The following OLA1 variants were observed in gnomAD, a reference collection of about 807,000 sequenced individuals.
OLA1 encodes the protein obg-like ATPase 1.
Under a neutral mutation model 48.4 loss-of-function variants are expected in OLA1, and 14 were observed. The observed-to-expected ratio is 0.29, with a 90% CI of 0.19 to 0.45. The LOEUF (loss-of-function observed/expected upper bound fraction) is 0.45, where lower values mean the gene tolerates loss of function less well. OLA1 is among the 20% of genes least tolerant of loss of function. The pLI, the probability that OLA1 is intolerant of heterozygous loss-of-function variation, is 1.00. For synonymous variants in OLA1, 127 were observed against 150.4 expected, an observed-to-expected ratio of 0.84 and a Z score of 1.14; for missense variants, 325 against 467.1, an observed-to-expected ratio of 0.70 and a Z score of 2.80.
intron 4 of OLA1, among the ~76,000 whole-genome samples, chr2:174,217,135 T>C (rs1688379787): frequency 6.6e-6 from 1 of 152,196 alleles, no homozygotes; most frequent in South Asian, 2.1e-4. Flanking sequence ...CCAAGACTGA[T>C]GTATCAGAGA....
chr2:174,174,469 A>G (rs1429233435), intron 4 of OLA1, among the ~76,000 whole-genome samples: 1 of 152,042 alleles, frequency 6.6e-6, no homozygotes, highest in African/African-American at 2.4e-5. Context: ...ACAAAATTCA[A>G]CACCTATTCA....
At chr2:174,182,821 T>C (rs1016742819) in intron 4 of OLA1, among the ~76,000 whole-genome samples, 1 of 152,204 alleles carries the variant, frequency 6.6e-6, no homozygotes, top group Non-Finnish European at 1.5e-5. Flanking sequence ...TGCCATGCAA[T>C]ATGCAAGATG....
Position 174,082,062 on chromosome 2 carries a change from A to C in OLA1, c.731T>G (p.Leu244Trp), listed in dbSNP as rs1684868624. The change falls in exon 8 of 11, where the codon TTG (leucine) becomes TGG (tryptophan). Residue 244 changes from leucine to tryptophan, a missense_variant and splice_region_variant. Coordinates refer to ENST00000284719, the MANE Select transcript of OLA1 (RefSeq NM_013341.5). ...KDYIRKKNKWLIKIKEWVDKY... is the reference protein window; with the variant it reads ...KDYIRKKNKWWIKIKEWVDKY... ...GTCCACCCACTCTTTAATTTTTATC[A>C]ACCTGTAGACAAAAAAGGGCACAAC... 1 of 1,613,000 alleles carries C rather than the reference A, an allele frequency of 6.2e-7. No individual in the cohort carries two copies. Among genetic ancestry groups the C allele is most frequent in the Non-Finnish European group, 8.5e-7 (1 of 1,179,200 alleles).
At chr2:174,190,174 T>C (rs376225933) in intron 4 of OLA1, among the ~76,000 whole-genome samples, 1 of 152,242 alleles carries the variant, frequency 6.6e-6, no homozygotes, top group East Asian at 1.9e-4. Flanking sequence ...CTAGTAAAAA[T>C]AAATGCTGTG....
intron 7 of OLA1, among the ~76,000 whole-genome samples, chr2:174,119,111 T>C (rs73033821): frequency 0.025 from 3,759 of 151,486 alleles, 149 homozygotes; most frequent in African/African-American, 0.084. Context: ...AAAAAAAAGA[T>C]TCCTGAATGG....
chr2:174,162,306 C>T (rs557197818), intron 4 of OLA1, among the ~76,000 whole-genome samples: 2 of 152,130 alleles, frequency 1.3e-5, no homozygotes, highest in South Asian at 4.2e-4. Context: ...TTACAAGAGG[C>T]AGTAACATAA....
chr2:174,202,568 A>C (rs1388769519), intron 4 of OLA1, among the ~76,000 whole-genome samples: 3 of 152,220 alleles, frequency 2.0e-5, no homozygotes, highest in Non-Finnish European at 4.4e-5. Flanking sequence ...TGATGCTGGC[A>C]GTGCTCCCAA....
At chr2:174,210,340 T>C (rs1040521694) in intron 4 of OLA1, among the ~76,000 whole-genome samples, 15 of 152,184 alleles carry the variant, frequency 9.9e-5, no homozygotes, top group Admixed American at 6.6e-4. Flanking sequence ...GCAAACATGA[T>C]ATTTTATTTT....
At chr2:174,101,970 A>G (rs1314703591) in intron 7 of OLA1, among the ~76,000 whole-genome samples, 1 of 152,232 alleles carries the variant, frequency 6.6e-6, no homozygotes, top group Admixed American at 6.5e-5. Flanking sequence ...ATTACTATAG[A>G]AAAAATAGGC....
chr2:174,234,537 C>G (rs1336902453), intron 2 of OLA1, among the ~76,000 whole-genome samples: 1 of 152,112 alleles, frequency 6.6e-6, no homozygotes, highest in Non-Finnish European at 1.5e-5. Flanking sequence ...GAACATGGCT[C>G]ACTGCAGCCT....
At chr2:174,093,385 T>C (rs1318746757) in intron 7 of OLA1, among the ~76,000 whole-genome samples, 11 of 151,890 alleles carry the variant, frequency 7.2e-5, no homozygotes, top group Admixed American at 7.2e-4. Flanking sequence ...GGAGGATCAC[T>C]TGAACCCAGG....
intron 4 of OLA1, among the ~76,000 whole-genome samples, chr2:174,211,353 G>C (rs751119471): frequency 6.6e-6 from 1 of 152,128 alleles, no homozygotes; most frequent in Non-Finnish European, 1.5e-5. Context: ...CATTATCTGA[G>C]GGTAAACCCC....
chr2:174,227,458 A>T (rs565260450), intron 3 of OLA1, among the ~76,000 whole-genome samples: 1 of 152,318 alleles, frequency 6.6e-6, no homozygotes, highest in Admixed American at 6.5e-5. Context: ...CTTTGTATTT[A>T]GTAAATACAA....
intron 7 of OLA1, among the ~76,000 whole-genome samples, chr2:174,088,618 G>T (rs909989537): frequency 3.3e-5 from 5 of 152,166 alleles, no homozygotes; most frequent in Middle Eastern, 3.4e-3. Context: ...CTGAATGGAG[G>T]TTATTAAGGA....
chr2:174,211,839 CAT>C (rs1313237870), intron 4 of OLA1, among the ~76,000 whole-genome samples: 5 of 152,080 alleles, frequency 3.3e-5, no homozygotes, highest in Non-Finnish European at 7.4e-5. Context: ...GACATACTGA[CAT>C]ATTGAAATAA....
At chr2:174,150,879 G>C (rs1367737092) in intron 4 of OLA1, among the ~76,000 whole-genome samples, 1 of 152,226 alleles carries the variant, frequency 6.6e-6, no homozygotes, top group South Asian at 2.1e-4. Context: ...ATTAATAACA[G>C]GTAGCAGCAA....
At chr2:174,090,994 A>G (rs1158292097) in intron 7 of OLA1, among the ~76,000 whole-genome samples, 1 of 152,216 alleles carries the variant, frequency 6.6e-6, no homozygotes, top group Admixed American at 6.5e-5. Context: ...TTTTCTGTTT[A>G]TCTCTTCACA....
intron 4 of OLA1, among the ~76,000 whole-genome samples, chr2:174,179,289 C>T (rs1687481338): frequency 6.6e-6 from 1 of 151,294 alleles, no homozygotes; most frequent in Non-Finnish European, 1.5e-5. Flanking sequence ...GCTATTAGTA[C>T]AACACATCAA....
intron 4 of OLA1, among the ~76,000 whole-genome samples, chr2:174,164,095 T>C (rs1486463557): frequency 6.6e-6 from 1 of 151,862 alleles, no homozygotes; most frequent in Non-Finnish European, 1.5e-5. Flanking sequence ...CCTTTACTCA[T>C]TCTGTCTCCT....
Sources: gnomAD v4.1 joint callset for allele counts (sites outside exome capture counted in the v4.1 genomes callset) on GRCh38, gnomAD v4.1.1 for gene constraint, MANE v1.5 for transcripts, NCBI Gene and HGNC (gene_info 2026-07-23, HGNC 2026-07-21) for gene names.